Variants in DGKG observed in about 807,000 individuals in gnomAD.
The protein encoded by DGKG is DAG kinase gamma.
A neutral mutation model predicts 105.3 loss-of-function variants in DGKG; 78 were observed. That is an observed-to-expected ratio of 0.74 (90% CI 0.62 to 0.89). DGKG has a LOEUF of 0.89. Among genes scored for constraint, DGKG ranks in the 40% least tolerant of loss-of-function variants. The pLI is 0.00. For synonymous variants in DGKG, 346 were observed against 367.1 expected, an observed-to-expected ratio of 0.94 and a Z score of 0.66; for missense variants, 958 against 1,020.1, an observed-to-expected ratio of 0.94 and a Z score of 0.83.
At position 186,149,497 on chromosome 3, in the gene DGKG, C is replaced by T. The variant is rs1715656262; in HGVS notation, c.*593G>A. 1 of 985,476 alleles carries T rather than the reference C, an allele frequency of 1.0e-6. No individual in the cohort carries two copies. Among genetic ancestry groups the T allele is most frequent in the Non-Finnish European group, 1.2e-6 (1 of 829,940 alleles). The allele number at this position is 985,476 out of a possible 1,614,324, so 61.0% of individuals were successfully genotyped here. ...GAATGGAAATACAGCTTTCCACAGC[C>T]TTTCTGCCTCTTCAGCAGGTTCACG... On this transcript the variant is annotated 3_prime_UTR_variant, in exon 25 of 25. Transcript: ENST00000265022.
chr3:186,260,481 G>A lies in DGKG; in HGVS notation c.1382C>T (p.Pro461Leu). 1 of 1,613,674 alleles carries A rather than the reference G, an allele frequency of 6.2e-7. No homozygotes were observed. The highest frequency in any genetic ancestry group is 8.5e-7 in the Non-Finnish European group (1 of 1,179,614). The part of the protein sequence containing the change: ...ILRKFHYLLN[P>L]KQVFNLDNGG... ...ATTGTCCAGGTTGAAAACTTGTTTG[G>A]GGTTGAGCAGATAGTGGAATTTCCG... The change falls in exon 16 of 25, where the codon CCC (proline) becomes CTC (leucine). Residue 461 changes from proline to leucine, a missense_variant. Pro to Leu is a moderately conservative substitution (Grantham distance 98, BLOSUM62 -3). Transcript: ENST00000265022.
chr3:186,150,018 A>G lies in DGKG; in HGVS notation c.*72T>C. The G allele has an allele frequency of 6.5e-7, 1 of 1,545,364 alleles. No homozygotes were observed. Among genetic ancestry groups the G allele is most frequent in the Non-Finnish European group, 8.7e-7 (1 of 1,144,750 alleles). On this transcript the variant is annotated 3_prime_UTR_variant, in exon 25 of 25. Transcript: ENST00000265022. ...TGTGTGTGCATGTGTGAGTGTGCAC[A>G]TAAATTGTGTGTGAGTGTGCATTAT...
intron 15 of DGKG, among the ~76,000 whole-genome samples, chr3:186,261,417 A>G (rs1443606532): frequency 6.6e-6 from 1 of 152,218 alleles, no homozygotes; most frequent in Non-Finnish European, 1.5e-5. Flanking sequence ...AGCGTGGTCT[A>G]ACTCTAGTGG....
intron 3 of DGKG, among the ~76,000 whole-genome samples, chr3:186,301,958 G>A (rs993490187): frequency 2.6e-5 from 4 of 152,114 alleles, no homozygotes; most frequent in African/African-American, 9.7e-5. Context: ...GCTGACCTCT[G>A]TGTTCTTTCC....
chr3:186,311,023 T>G (rs1306377634), intron 2 of DGKG, among the ~76,000 whole-genome samples: 1 of 152,230 alleles, frequency 6.6e-6, no homozygotes, highest in South Asian at 2.1e-4. Flanking sequence ...ACTGGATACT[T>G]GAACACTGGT....
chr3:186,268,614 C>G (rs561325507), intron 12 of DGKG, among the ~76,000 whole-genome samples, 187 bp downstream of exon 12: 1 of 152,350 alleles, frequency 6.6e-6, no homozygotes, highest in Admixed American at 6.5e-5. Flanking sequence ...TGCCCTCTCT[C>G]TGGGCAGCTT....
intron 1 of DGKG, among the ~76,000 whole-genome samples, chr3:186,354,796 A>T (rs1474935004): frequency 6.6e-6 from 1 of 152,184 alleles, no homozygotes; most frequent in Non-Finnish European, 1.5e-5. Context: ...TGAAAAGAGG[A>T]GTTATGCCCT....
At chr3:186,201,319 C>T (rs772137093) in intron 21 of DGKG, among the ~76,000 whole-genome samples, 2 of 151,898 alleles carry the variant, frequency 1.3e-5, no homozygotes, top group Non-Finnish European at 1.5e-5. Flanking sequence ...GGCCTGGGGG[C>T]CAGCAGGGAT....
rs1306122907 is a variant in DGKG at position 186,253,103 on chromosome 3, G to A, written c.1590C>T (p.Arg530=). 1 of 1,614,064 alleles carries A rather than the reference G, an allele frequency of 6.2e-7. No individual in the cohort carries two copies. Among genetic ancestry groups the A allele is most frequent in the Non-Finnish European group, 8.5e-7 (1 of 1,180,016 alleles). ...AGCATGCAAACTCACCTCCTCCCCAGCGGAGACAACGGGCAAGGTCATTTC... is the reference window on the plus strand; with the variant it reads ...AGCATGCAAACTCACCTCCTCCCCAACGGAGACAACGGGCAAGGTCATTTC... ...GTGNDLARCL[R]WGGGYEGGSL... Residue 530 remains arginine, a synonymous_variant, in exon 18 of 25, where the codon CGC becomes CGT. Transcript: ENST00000265022.
chr3:186,271,784 CA>C, intron 11 of DGKG, among the ~76,000 whole-genome samples: 1 of 152,168 alleles, frequency 6.6e-6, no homozygotes, highest in Non-Finnish European at 1.5e-5. Flanking sequence ...AGCCGTGTCT[CA>C]TGCCTTTACA....
intron 22 of DGKG, among the ~76,000 whole-genome samples, chr3:186,181,701 C>G (rs982636521): frequency 2.0e-5 from 3 of 152,098 alleles, no homozygotes. Context: ...CCATTGCACT[C>G]CAGCCTGGGC....
intron 20 of DGKG, among the ~76,000 whole-genome samples, chr3:186,240,950 A>G (rs1458616652): frequency 6.6e-6 from 1 of 152,070 alleles, no homozygotes; most frequent in East Asian, 1.9e-4. Context: ...CTGAACTGTA[A>G]GTTTGTGACT....
intron 10 of DGKG, among the ~76,000 whole-genome samples, chr3:186,273,452 G>A (rs868754388): frequency 1.3e-4 from 16 of 126,698 alleles, no homozygotes; most frequent in South Asian, 2.8e-4. Context: ...TCGGCTCACC[G>A]CAACCTCCGA....
intron 8 of DGKG, 100 bp downstream of exon 8, chr3:186,280,570 G>T (rs1034810255): frequency 3.3e-6 from 3 of 899,796 alleles, no homozygotes; most frequent in Non-Finnish European, 5.3e-6. Context: ...AGATGAGTCT[G>T]GGAGCACCTG....
intron 20 of DGKG, among the ~76,000 whole-genome samples, chr3:186,218,526 AT>A (rs1719415471): frequency 2.0e-5 from 3 of 149,680 alleles, no homozygotes; most frequent in African/African-American, 7.4e-5. Flanking sequence ...AAAAAAAAAA[AT>A]GAAAGACTCG....
In DGKG at chr3:186,340,984, A is replaced by C. The variant is rs530062027; in HGVS notation, c.-248-20277T>G. Among the ~76,000 whole-genome samples the C allele has an allele frequency of 3.6e-4, 55 of 152,310 alleles. 1 individual carries two copies. Among genetic ancestry groups the C allele is most frequent in the African/African-American group, 1.3e-3 (55 of 41,570 alleles). ...TCTCACTCATTTTAGTCTGTTCTGCACATGAGACTACCGAAAACCACAAGC... is the reference window on the plus strand; with the variant it reads ...TCTCACTCATTTTAGTCTGTTCTGCCCATGAGACTACCGAAAACCACAAGC... On this transcript the variant is annotated intron_variant, in intron 1 of 24. Coordinates refer to ENST00000265022, the MANE Select transcript of DGKG (RefSeq NM_001346.3).
At chr3:186,217,890 T>C (rs1179578693) in intron 20 of DGKG, among the ~76,000 whole-genome samples, 1 of 152,252 alleles carries the variant, frequency 6.6e-6, no homozygotes, top group South Asian at 2.1e-4. Context: ...ACTACAGTTA[T>C]TTCTAGAAAT....
At chr3:186,155,320 A>AT (rs2108470794) in intron 24 of DGKG, among the ~76,000 whole-genome samples, 1 of 152,142 alleles carries the variant, frequency 6.6e-6, no homozygotes, top group Admixed American at 6.5e-5. Context: ...AGTCTCCTGA[A>AT]TAGCTGGGAT....
chr3:186,347,814 C>T lies in DGKG; in HGVS notation c.-249+14132G>A, dbSNP rs572985717. 6.6e-5 allele frequency among the ~76,000 whole-genome samples: 10 copies of T among 152,262 alleles called. No individual in the cohort carries two copies. The South Asian group carries it at 1.9e-3, about 28-fold the overall frequency. On this transcript the variant is annotated intron_variant, in intron 1 of 24. Transcript: ENST00000265022. ...GCCAGGCTGGTCTCAAACTCCTGAC[C>T]TCAAGTGATCCACCCACCTTGGCCT...
Sources: allele counts gnomAD v4.1 joint callset (sites outside exome capture counted in the v4.1 genomes callset), GRCh38; gene constraint gnomAD v4.1.1; transcripts MANE v1.5; gene names NCBI Gene and HGNC (gene_info 2026-07-23, HGNC 2026-07-21).